The following ZNF737 variants were observed in gnomAD, a reference collection of about 807,000 sequenced individuals.
ZNF737 encodes the protein zinc finger protein 737, also known as zinc finger protein 102 (Y3).
Under a neutral mutation model 11.7 loss-of-function variants are expected in ZNF737, and 13 were observed. The ratio of observed to expected loss-of-function variants is 1.11; its 90% confidence interval spans 0.73 to 1.77. The LOEUF (loss-of-function observed/expected upper bound fraction) is 1.77, where lower values mean the gene tolerates loss of function less well. ZNF737 is among the 40% of genes most tolerant of loss of function. The probability of loss-of-function intolerance (pLI) is 0.00; values close to 1 mark genes in which losing one functional copy is unlikely to be tolerated. For synonymous variants in ZNF737, 217 were observed against 216.2 expected (o/e 1.00, Z -0.03); for missense variants, 636 against 638.0 (o/e 1.00, Z 0.03).
intron 1 of ZNF737, chr19:20,564,226 G>C (rs1230169194): frequency 6.6e-6 from 1 of 152,100 alleles, no homozygotes; most frequent in African/African-American, 2.4e-5. Context: ...AACACTTCTA[G>C]AAGGTACCAT....
rs1555757297 is a variant in ZNF737, at chr19:20,547,389, A to AAC, written c.227-1414_227-1413insGT. 2.0e-5 allele frequency among the ~76,000 whole-genome samples: 3 copies of AAC among 151,320 alleles called. 1 individual carries two copies. Among genetic ancestry groups the AAC allele is most frequent in the South Asian group, 4.2e-4 (2 of 4,802 alleles). ...CAGCGAGACTCCGTCTCAAAAAAAA[A>AAC]AAAAAAAAAAAACACCACCTACAGT... On this transcript the variant is annotated intron_variant, in intron 3 of 3. Transcript: ENST00000427401.
downstream of ZNF737, among the ~76,000 whole-genome samples, chr19:20,535,531 T>G (rs1240652301): frequency 4.0e-5 from 6 of 149,668 alleles, no homozygotes; most frequent in South Asian, 2.1e-4. Context: ...AATCCTCGTT[T>G]TTTTTTTTTT....
rs547354981 is a variant in ZNF737 at position 20,538,791 on chromosome 19, A to G, written c.*5801T>C. The G allele has an allele frequency of 4.1e-6, 4 of 985,426 alleles. No individual in the cohort carries two copies. The highest frequency in any genetic ancestry group is 4.8e-6 in the Non-Finnish European group (4 of 829,926). The allele number at this position is 985,426 out of a possible 1,614,324, so 61.0% of individuals were successfully genotyped here. A position where few individuals can be genotyped will look rare whatever the true frequency, so the allele number is the denominator to read the frequency against. ...TTAATTTAATTGGGCTGTTATTTGC[A>G]TAGCTAGATAATTACCAACTTTAGT... is the stretch of plus-strand genomic sequence containing the variant. On this transcript the variant is annotated 3_prime_UTR_variant, in exon 4 of 4. Transcript: ENST00000427401.
chr19:20,558,971 T>C (rs782649593), intron 1 of ZNF737, among the ~76,000 whole-genome samples: 1 of 152,242 alleles, frequency 6.6e-6, no homozygotes, highest in Non-Finnish European at 1.5e-5. Flanking sequence ...CTGGAATAAC[T>C]ACCTAGCACT....
chr19:20,552,510 G>T lies in ZNF737; in HGVS notation c.191C>A (p.Thr64Asn). Residue 64 changes from threonine to asparagine, a missense_variant, in exon 3 of 4, where the codon ACC becomes AAC. Transcript: ENST00000427401. ...GGCTACCATCTCATGTTTCTTCATG[G>T]TCAAAGGTTTTTTTCCTTGCTCCAG... Reference protein sequence around the residue: ...TCLEQGKKPLTMKKHEMVANP... With the variant: ...TCLEQGKKPLNMKKHEMVANP... The T allele has an allele frequency of 6.3e-7, 1 of 1,595,112 alleles. No individual in the cohort carries two copies. The highest frequency in any genetic ancestry group is 2.3e-5 in the East Asian group (1 of 44,240).
At position 20,549,605 on chromosome 19, in the gene ZNF737, A is replaced by C. The variant is rs80006044; in HGVS notation, c.226+2870T>G. On this transcript the variant is annotated intron_variant, in intron 3 of 3. Transcript: ENST00000427401. ...AATAAGAGAAATGTTTACTCATAAA[A>C]TCTTGTATGCAACATTGAAGTATAA... Among the ~76,000 whole-genome samples, 1,231 of 152,116 alleles carry C rather than the reference A, an allele frequency of 8.1e-3. 19 individuals are homozygous for C. Among genetic ancestry groups the C allele is most frequent in the African/African-American group, 0.028 (1,175 of 41,500 alleles).
chr19:20,546,301 G>C (rs1164696320), intron 3 of ZNF737, among the ~76,000 whole-genome samples: 1 of 152,176 alleles, frequency 6.6e-6, no homozygotes, highest in Non-Finnish European at 1.5e-5. Context: ...GCCTTTAAAA[G>C]TAAATTTCCA....
intron 3 of ZNF737, 106 bp downstream of exon 3, chr19:20,552,369 C>G: frequency 3.0e-6 from 2 of 667,184 alleles, no homozygotes; most frequent in African/African-American, 2.0e-5. Flanking sequence ...GAACTATTTT[C>G]TTTGGAGCAC....
chr19:20,560,663 C>G (rs782279821), intron 1 of ZNF737, among the ~76,000 whole-genome samples: 1 of 151,848 alleles, frequency 6.6e-6, no homozygotes, highest in Non-Finnish European at 1.5e-5. Context: ...GCCTGTAATC[C>G]CAGCTACTCA....
At chr19:20,530,350 G>A in the ZNF737 span, among the ~76,000 whole-genome samples, 13 of 145,176 alleles carry the variant, frequency 9.0e-5, no homozygotes, top group Admixed American at 4.0e-4. Context: ...GCAGCTGGCC[G>A]GGCGGGGGGC....
downstream of ZNF737, among the ~76,000 whole-genome samples, chr19:20,534,419 G>T (rs1449691071): frequency 2.0e-5 from 3 of 148,178 alleles, 1 homozygote; most frequent in African/African-American, 7.5e-5. Flanking sequence ...TCCAGCCTGA[G>T]CAAGAGTGAA....
rs553067279 is a variant in ZNF737, at chr19:20,541,212, T to G, written c.*3380A>C. Reference sequence around the variant, plus strand: ...AATCACCTAAATAACATAATTTGTTTTGTTGCAGTAATTGCTTTTATTCTG... The same window carrying G: ...AATCACCTAAATAACATAATTTGTTGTGTTGCAGTAATTGCTTTTATTCTG... On this transcript the variant is annotated 3_prime_UTR_variant, in exon 4 of 4. Transcript: ENST00000427401. 5.9e-4 allele frequency: 578 copies of G among 983,572 alleles called. 2 individuals carry two copies. The African/African-American group carries it at 9.4e-3, about 16-fold the overall frequency. The allele number at this position is 983,572 out of a possible 1,614,324, so 60.9% of individuals were successfully genotyped here. A position where few individuals can be genotyped will look rare whatever the true frequency, so the allele number is the denominator to read the frequency against.
At chr19:20,531,745 A>T (rs1967834199), downstream of ZNF737, among the ~76,000 whole-genome samples, 1 of 150,136 alleles carries the variant, frequency 6.7e-6, no homozygotes, top group South Asian at 2.2e-4. Context: ...GGTGTGAGCC[A>T]CAGCACCCAG....
intron 2 of ZNF737, 105 bp downstream of exon 2, chr19:20,553,604 T>A (rs1388549945): frequency 4.2e-6 from 5 of 1,194,198 alleles, no homozygotes. Flanking sequence ...AAAAAGTGGA[T>A]CTGAAACTCT....
downstream of ZNF737, among the ~76,000 whole-genome samples, chr19:20,533,823 C>A (rs1967887469): frequency 6.7e-6 from 1 of 150,066 alleles, no homozygotes; most frequent in Admixed American, 6.6e-5. Flanking sequence ...CTGGGCTGAG[C>A]TAATTGGCTA....
chr19:20,546,568 G>T (rs955696197), intron 3 of ZNF737, among the ~76,000 whole-genome samples: 3 of 152,152 alleles, frequency 2.0e-5, no homozygotes, highest in South Asian at 2.1e-4. Flanking sequence ...TTTGCATCTG[G>T]TGTATTCTGT....
rs1599422154 is a variant in ZNF737, at chr19:20,552,572, T to C, written c.131-2A>G. ...GGTCTGGCTTAGAGACAACAATACC[T>C]GTTTTATTAAAAATAAATAACATGA... On this transcript the variant is annotated splice_acceptor_variant, in intron 2 of 3. Transcript: ENST00000427401. LOFTEE classifies it high-confidence loss of function. 2 of 1,569,900 alleles carry C rather than the reference T, an allele frequency of 1.3e-6. No homozygotes were observed. The highest frequency in any genetic ancestry group is 4.6e-5 in the East Asian group (2 of 43,366).
Position 20,552,472 on chromosome 19 carries a change from T to C in ZNF737, c.226+3A>G, listed in dbSNP as rs782722367. ...TGCTATATTCATTTTCACTTGCACC[T>C]ACCTGAGGGGTTGGCTACCATCTCA... is the stretch of plus-strand genomic sequence containing the variant. On this transcript the variant is annotated splice_donor_region_variant and intron_variant, in intron 3 of 3. Transcript: ENST00000427401. 1.5e-5 allele frequency: 24 copies of C among 1,578,292 alleles called. No homozygotes were observed. Among genetic ancestry groups the C allele is most frequent in the Non-Finnish European group, 1.6e-5 (19 of 1,166,796 alleles).
Position 20,539,121 on chromosome 19 carries a change from TC to T in ZNF737, c.*5470del, listed in dbSNP as rs565619935. 2.0e-4 allele frequency: 88 copies of T among 449,780 alleles called. No homozygotes were observed. The highest frequency in any genetic ancestry group is 2.3e-4 in the Non-Finnish European group (86 of 370,002). The allele number at this position is 449,780 out of a possible 1,614,324, so 27.9% of individuals were successfully genotyped here. A position where few individuals can be genotyped will look rare whatever the true frequency, so the allele number is the denominator to read the frequency against. Reference sequence around the variant, plus strand: ...GACAAGCCTGGCTAACATGATGAAATCCCATCTCTACTACAAAAATTATCCG... The same window carrying T: ...GACAAGCCTGGCTAACATGATGAAATCCATCTCTACTACAAAAATTATCCG... On this transcript the variant is annotated 3_prime_UTR_variant, in exon 4 of 4. Transcript: ENST00000427401.
Sources: allele counts gnomAD v4.1 joint callset (sites outside exome capture counted in the v4.1 genomes callset), GRCh38; gene constraint gnomAD v4.1.1; transcripts MANE v1.5; gene names NCBI Gene and HGNC (gene_info 2026-07-23, HGNC 2026-07-21).